Variants in GPM6A observed in about 807,000 individuals in gnomAD.
GPM6A encodes neuronal membrane glycoprotein M6-a.
In GPM6A, 7 loss-of-function variants were observed where a neutral mutation model predicts 32.1. The ratio of observed to expected loss-of-function variants is 0.22; its 90% CI spans 0.12 to 0.41. The LOEUF (loss-of-function observed/expected upper bound fraction) is 0.41, where lower values mean the gene tolerates loss of function less well. Among genes scored for constraint, GPM6A ranks in the 10% least tolerant of loss-of-function variants. The pLI, the probability that GPM6A is intolerant of heterozygous loss-of-function variation, is 1.00. For synonymous variants in GPM6A, 130 were observed against 123.4 expected (o/e 1.05, Z -0.35); for missense variants, 235 against 347.2 (o/e 0.68, Z 2.57).
At chr4:175,743,921 T>C (rs1434056107) in intron 1 of GPM6A, among the ~76,000 whole-genome samples, 1 of 150,764 alleles carries the variant, frequency 6.6e-6, no homozygotes, top group African/African-American at 2.4e-5. Flanking sequence ...AAGTCATAGT[T>C]GAAGAGTTTA....
At chr4:175,837,080 T>G (rs1283720492) in intron 1 of GPM6A, among the ~76,000 whole-genome samples, 1 of 151,868 alleles carries the variant, frequency 6.6e-6, no homozygotes, top group Non-Finnish European at 1.5e-5. Flanking sequence ...GAGAGGTGGA[T>G]CAGAGTCAGA....
chr4:175,843,761 C>T (rs564789771), intron 1 of GPM6A, among the ~76,000 whole-genome samples: 29 of 152,250 alleles, frequency 1.9e-4, no homozygotes, highest in African/African-American at 5.5e-4. Context: ...TTGAGATAAT[C>T]GCTTAGAAGC....
chr4:175,860,562 T>G (rs1452004141), intron 1 of GPM6A, among the ~76,000 whole-genome samples: 1 of 152,154 alleles, frequency 6.6e-6, no homozygotes, highest in Non-Finnish European at 1.5e-5. Flanking sequence ...TTTAAAATAT[T>G]CCAAAAGCAA....
At chr4:175,880,780 T>G (rs1038744695) in intron 1 of GPM6A, among the ~76,000 whole-genome samples, 2 of 152,134 alleles carry the variant, frequency 1.3e-5, no homozygotes, top group African/African-American at 4.8e-5. Context: ...TTAAGGAGAT[T>G]TTGGGCTGAG....
intron 6 of GPM6A, among the ~76,000 whole-genome samples, chr4:175,638,637 G>T (rs979642120): frequency 2.0e-5 from 3 of 152,020 alleles, no homozygotes. Flanking sequence ...GTGTATACCT[G>T]TATTTTTAGA....
At chr4:175,688,314 G>A (rs1193738734) in intron 2 of GPM6A, among the ~76,000 whole-genome samples, 1 of 151,996 alleles carries the variant, frequency 6.6e-6, no homozygotes, top group Non-Finnish European at 1.5e-5. Context: ...TTTTCTTCTA[G>A]CAGTTTTATA....
At chr4:175,881,611 TAGAC>T (rs1482469733) in intron 1 of GPM6A, among the ~76,000 whole-genome samples, 4 of 152,068 alleles carry the variant, frequency 2.6e-5, no homozygotes, top group Admixed American at 6.5e-5. Context: ...CCAACAATGA[TAGAC>T]AGGATTAAGA....
At chr4:175,661,620 C>T (rs919942438) in intron 3 of GPM6A, among the ~76,000 whole-genome samples, 2 of 152,110 alleles carry the variant, frequency 1.3e-5, no homozygotes, top group Admixed American at 6.6e-5. Context: ...TCAGCCCCTC[C>T]ATTGTGACCT....
At chr4:175,912,592 T>C (rs1579620661) in intron 1 of GPM6A, among the ~76,000 whole-genome samples, 1 of 152,010 alleles carries the variant, frequency 6.6e-6, no homozygotes, top group Admixed American at 6.6e-5. Context: ...GAGGCAGAGG[T>C]TGCAGTAAGC....
At chr4:175,847,030 C>T (rs1025680228) in intron 1 of GPM6A, among the ~76,000 whole-genome samples, 2 of 152,056 alleles carry the variant, frequency 1.3e-5, no homozygotes, top group African/African-American at 2.4e-5. Context: ...CCCTTTTTAG[C>T]TCAAACAATA....
At chr4:175,756,355 G>T (rs1475761982) in intron 1 of GPM6A, among the ~76,000 whole-genome samples, 2 of 152,112 alleles carry the variant, frequency 1.3e-5, no homozygotes, top group Non-Finnish European at 2.9e-5. Flanking sequence ...ACACAGTTCA[G>T]TAAAGGAATG....
At chr4:175,964,853 T>C (rs760175319) in intron 1 of GPM6A, among the ~76,000 whole-genome samples, 3 of 152,134 alleles carry the variant, frequency 2.0e-5, no homozygotes, top group Non-Finnish European at 4.4e-5. Flanking sequence ...TACATAATGA[T>C]AAAGGAGTCA....
intron 3 of GPM6A, 25 bp from the exon 4 acceptor site, chr4:175,652,012 G>C: frequency 6.3e-7 from 1 of 1,578,538 alleles, no homozygotes; most frequent in East Asian, 2.3e-5. Context: ...GAAATGGAGA[G>C]AGAAAATGTA....
intron 1 of GPM6A, among the ~76,000 whole-genome samples, chr4:175,989,794 G>T (rs1741082422): frequency 6.6e-6 from 1 of 152,084 alleles, no homozygotes; most frequent in African/African-American, 2.4e-5. Context: ...GCAATAAGTG[G>T]GAAATAGAAT....
chr4:175,873,756 T>C (rs1736993955), intron 1 of GPM6A, among the ~76,000 whole-genome samples: 1 of 152,200 alleles, frequency 6.6e-6, no homozygotes, highest in Non-Finnish European at 1.5e-5. Context: ...CTTGGTCTCC[T>C]CACTATTACA....
chr4:175,931,805 C>A (rs897782845), intron 1 of GPM6A, among the ~76,000 whole-genome samples: 1 of 151,616 alleles, frequency 6.6e-6, no homozygotes. Flanking sequence ...TAAAAATGGG[C>A]TGGACATGGT....
intron 1 of GPM6A, among the ~76,000 whole-genome samples, chr4:175,785,516 A>G (rs1733765536): frequency 6.6e-6 from 1 of 152,202 alleles, no homozygotes; most frequent in African/African-American, 2.4e-5. Flanking sequence ...TATTAACATT[A>G]ACTATTGTTA....
intron 1 of GPM6A, among the ~76,000 whole-genome samples, chr4:175,897,705 G>T (rs543962175): frequency 2.6e-5 from 4 of 152,186 alleles, no homozygotes; most frequent in African/African-American, 7.2e-5. Flanking sequence ...GAAGAGTTTA[G>T]TACTAGACTC....
intron 1 of GPM6A, among the ~76,000 whole-genome samples, chr4:175,944,479 T>C (rs1224159772): frequency 1.3e-5 from 2 of 151,526 alleles, no homozygotes; most frequent in Non-Finnish European, 2.9e-5. Flanking sequence ...CTGATTTTTA[T>C]TCCAATTCTT....
Sources: gnomAD v4.1 joint callset for allele counts (sites outside exome capture counted in the v4.1 genomes callset) on GRCh38, gnomAD v4.1.1 for gene constraint, MANE v1.5 for transcripts, NCBI Gene and HGNC (gene_info 2026-07-23, HGNC 2026-07-21) for gene names.